The following STXBP6 variants were observed in gnomAD, a reference collection of about 807,000 sequenced individuals.
The protein encoded by STXBP6 is syntaxin binding protein 6.
A neutral mutation model predicts 26.9 loss-of-function variants in STXBP6; 21 were observed. The observed-to-expected ratio is 0.78, with a 90% CI of 0.55 to 1.12. The LOEUF is 1.12. Ranked by LOEUF, STXBP6 falls within the 50% of genes most tolerant of loss-of-function variation. STXBP6 has a pLI of 0.00. For synonymous variants in STXBP6, 97 were observed against 92.6 expected, an observed-to-expected ratio of 1.05 and a Z score of -0.27; for missense variants, 232 against 257.9, an observed-to-expected ratio of 0.90 and a Z score of 0.69.
At chr14:24,932,275 C>T (rs530563277) in intron 2 of STXBP6, among the ~76,000 whole-genome samples, 21 of 152,202 alleles carry the variant, frequency 1.4e-4, no homozygotes, top group African/African-American at 4.3e-4. Context: ...GGCGTGGTAG[C>T]GGGTGCCTGT....
intron 1 of STXBP6, among the ~76,000 whole-genome samples, chr14:25,014,251 T>C (rs185601482): frequency 2.0e-5 from 3 of 152,240 alleles, no homozygotes; most frequent in Admixed American, 2.0e-4. Flanking sequence ...TCCCAGCACT[T>C]TGAGAGGCCG....
At chr14:24,944,233 C>CG (rs2072903099) in intron 2 of STXBP6, among the ~76,000 whole-genome samples, 1 of 152,150 alleles carries the variant, frequency 6.6e-6, no homozygotes, top group Admixed American at 6.5e-5. Context: ...TGCCACCGCA[C>CG]GGAAGGTATC....
At chr14:24,837,223 T>A (rs996783691) in intron 4 of STXBP6, among the ~76,000 whole-genome samples, 1 of 152,132 alleles carries the variant, frequency 6.6e-6, no homozygotes, top group Non-Finnish European at 1.5e-5. Flanking sequence ...CTGTGGAACA[T>A]AGGAAAATTT....
chr14:24,999,059 G>A (rs10151968), intron 1 of STXBP6, among the ~76,000 whole-genome samples: 40,849 of 151,940 alleles, frequency 0.27, 7,725 homozygotes, highest in African/African-American at 0.54. Flanking sequence ...AACTTACAAT[G>A]AAGTTATGGT....
chr14:24,830,208 T>A (rs1338825097), intron 4 of STXBP6, among the ~76,000 whole-genome samples: 1 of 151,740 alleles, frequency 6.6e-6, no homozygotes, highest in African/African-American at 2.4e-5. Flanking sequence ...TAATGAGAGA[T>A]CTTAAGTGCA....
chr14:24,921,894 A>G (rs1274343398), intron 2 of STXBP6, among the ~76,000 whole-genome samples: 1 of 151,730 alleles, frequency 6.6e-6, no homozygotes, highest in Non-Finnish European at 1.5e-5. Flanking sequence ...CCACCTTTCT[A>G]TTGTTGGGTC....
chr14:25,043,491 G>A (rs543178731), intron 1 of STXBP6, among the ~76,000 whole-genome samples: 70 of 151,978 alleles, frequency 4.6e-4, no homozygotes, highest in Admixed American at 2.0e-4. Context: ...CTTTTAAAGT[G>A]TGCAACTCAG....
At chr14:24,901,946 C>T (rs1419918689) in intron 2 of STXBP6, among the ~76,000 whole-genome samples, 3 of 152,000 alleles carry the variant, frequency 2.0e-5, no homozygotes, top group South Asian at 2.1e-4. Context: ...AATAGGTGTT[C>T]GCATATGTAA....
At chr14:24,874,479 C>T (rs1319537055) in intron 2 of STXBP6, among the ~76,000 whole-genome samples, 2 of 152,074 alleles carry the variant, frequency 1.3e-5, no homozygotes, top group African/African-American at 4.8e-5. Context: ...GGGTCCATCC[C>T]ACCCATGCCG....
chr14:24,911,904 T>C (rs1231542021), intron 2 of STXBP6, among the ~76,000 whole-genome samples: 3 of 152,200 alleles, frequency 2.0e-5, no homozygotes, highest in Non-Finnish European at 2.9e-5. Context: ...CTTCTACCCA[T>C]GAGTCTGTGT....
At chr14:24,878,134 A>C (rs979647267) in intron 2 of STXBP6, among the ~76,000 whole-genome samples, 2 of 151,840 alleles carry the variant, frequency 1.3e-5, no homozygotes, top group Non-Finnish European at 2.9e-5. Context: ...GCCCTTTGTG[A>C]TTTGAGTATT....
chr14:24,972,934 G>A (rs549014079), intron 2 of STXBP6, among the ~76,000 whole-genome samples: 3 of 152,274 alleles, frequency 2.0e-5, no homozygotes, highest in African/African-American at 7.2e-5. Flanking sequence ...CTAGGCAACA[G>A]AGTGAGAACT....
chr14:24,916,174 G>A (rs1038350076), intron 2 of STXBP6, among the ~76,000 whole-genome samples: 2 of 152,136 alleles, frequency 1.3e-5, no homozygotes, highest in South Asian at 4.1e-4. Context: ...GTAAATATGA[G>A]TTTTGTGATA....
chr14:24,862,513 A>G (rs981073993), intron 2 of STXBP6, among the ~76,000 whole-genome samples: 1 of 152,180 alleles, frequency 6.6e-6, no homozygotes, highest in African/African-American at 2.4e-5. Flanking sequence ...TCCTCAGTCT[A>G]CTGAAAAGAT....
chr14:25,034,531 C>T (rs1436936861), intron 1 of STXBP6, among the ~76,000 whole-genome samples: 2 of 152,092 alleles, frequency 1.3e-5, no homozygotes, highest in Non-Finnish European at 2.9e-5. Context: ...AGGTTCTGAC[C>T]ATACCCTCTA....
intron 2 of STXBP6, among the ~76,000 whole-genome samples, chr14:24,886,613 T>G (rs2070597235): frequency 6.6e-6 from 1 of 152,200 alleles, no homozygotes; most frequent in Non-Finnish European, 1.5e-5. Context: ...TTGCCAACAA[T>G]TCTGTTCACC....
chr14:24,948,778 A>G (rs1405063091), intron 2 of STXBP6, among the ~76,000 whole-genome samples: 1 of 152,248 alleles, frequency 6.6e-6, no homozygotes, highest in Non-Finnish European at 1.5e-5. Flanking sequence ...ATTTTGTCTC[A>G]GTATAATTTT....
chr14:24,901,116 T>C (rs1275845093), intron 2 of STXBP6, among the ~76,000 whole-genome samples: 1 of 150,246 alleles, frequency 6.7e-6, no homozygotes, highest in Non-Finnish European at 1.5e-5. Flanking sequence ...GGAGGAAAAA[T>C]AACTTTTATT....
intron 4 of STXBP6, among the ~76,000 whole-genome samples, chr14:24,829,096 G>A (rs2068376715): frequency 6.6e-6 from 1 of 152,024 alleles, no homozygotes; most frequent in East Asian, 1.9e-4. Context: ...TCAACTGATT[G>A]CCAACTCAAT....
Sources: gnomAD v4.1 joint callset for allele counts (sites outside exome capture counted in the v4.1 genomes callset) on GRCh38, gnomAD v4.1.1 for gene constraint, MANE v1.5 for transcripts, NCBI Gene and HGNC (gene_info 2026-07-23, HGNC 2026-07-21) for gene names.